FBXL17: variants seen among roughly 807,000 people sequenced by gnomAD.
FBXL17 encodes F-box and leucine rich repeat protein 17.
FBXL17 carries 22 observed loss-of-function variants against 66.2 expected under a neutral mutation model. The observed-to-expected ratio is 0.33, with a 90% CI of 0.24 to 0.47. FBXL17 has a LOEUF of 0.47. FBXL17 is among the 20% of genes least tolerant of loss of function. The probability of loss-of-function intolerance (pLI) is 1.00; values close to 1 mark genes in which losing one functional copy is unlikely to be tolerated. For missense variants in FBXL17, 878 were observed against 948.2 expected (o/e 0.93, Z 0.97); for synonymous variants, 474 against 400.5 (o/e 1.18, Z -2.19).
rs1748053852 is a variant in FBXL17, at chr5:108,357,188, C to A, written c.1374+7550G>T. ...ATTATTAACTAAAAACTGGGAACAG[C>A]TATAATAACTTCAGACAGAGCAGAC... On this transcript the variant is annotated intron_variant, in intron 3 of 8. Coordinates refer to ENST00000542267, the MANE Select transcript of FBXL17 (RefSeq NM_001163315.3). 2.6e-5 allele frequency among the ~76,000 whole-genome samples: 4 copies of A among 151,936 alleles called. No individual in the cohort carries two copies. In the South Asian group the frequency reaches 8.3e-4, roughly 31 times the overall value.
Position 108,124,150 on chromosome 5 carries a change from G to A in FBXL17, c.1745+61967C>T, listed in dbSNP as rs530682106. ...AAAGTTTTGGCCAACTTCACCAAAT[G>A]AGTCCTACAAATTCATCTTAAACAT... is the stretch of plus-strand genomic sequence containing the variant. On this transcript the variant is annotated intron_variant, in intron 6 of 8. Transcript: ENST00000542267. 8.5e-5 allele frequency among the ~76,000 whole-genome samples: 13 copies of A among 152,188 alleles called. No homozygotes were observed. In the East Asian group the frequency reaches 2.1e-3, roughly 25 times the overall value.
chr5:108,071,138 T>G (rs1748314378), intron 6 of FBXL17, among the ~76,000 whole-genome samples: 1 of 152,220 alleles, frequency 6.6e-6, no homozygotes, highest in Non-Finnish European at 1.5e-5. Flanking sequence ...CACTATCAGG[T>G]ACAGGTTGCA....
At chr5:108,148,173 A>G (rs1751632013) in intron 6 of FBXL17, among the ~76,000 whole-genome samples, 1 of 152,304 alleles carries the variant, frequency 6.6e-6, no homozygotes, top group African/African-American at 2.4e-5. Context: ...AAAAGAAGTA[A>G]GTCTGACAAA....
At chr5:108,064,784 A>AT (rs1463357911) in intron 6 of FBXL17, among the ~76,000 whole-genome samples, 1 of 152,140 alleles carries the variant, frequency 6.6e-6, no homozygotes, top group Non-Finnish European at 1.5e-5. Context: ...GGGCTTGGTG[A>AT]TTTTATCTCA....
At chr5:108,205,174 A>C (rs1379016861) in intron 5 of FBXL17, among the ~76,000 whole-genome samples, 1 of 152,046 alleles carries the variant, frequency 6.6e-6, no homozygotes, top group Non-Finnish European at 1.5e-5. Context: ...CAGCATGCCA[A>C]GCATCTGAGA....
chr5:107,988,115 TA>T (rs1490857300), intron 7 of FBXL17, among the ~76,000 whole-genome samples: 5 of 151,980 alleles, frequency 3.3e-5, no homozygotes, highest in African/African-American at 1.2e-4. Flanking sequence ...TTTCTCATTT[TA>T]AAAAATATAA....
At chr5:108,243,518 CAAATG>C (rs1755955471) in intron 4 of FBXL17, among the ~76,000 whole-genome samples, 1 of 152,046 alleles carries the variant, frequency 6.6e-6, no homozygotes, top group Non-Finnish European at 1.5e-5. Flanking sequence ...TTCTGTTTTA[CAAATG>C]AAGAAAGAGA....
chr5:108,264,860 A>G (rs1434371169), intron 4 of FBXL17, among the ~76,000 whole-genome samples: 1 of 151,586 alleles, frequency 6.6e-6, no homozygotes, highest in Admixed American at 6.6e-5. Flanking sequence ...CTTAGTTTAT[A>G]TTTCCTAATG....
chr5:108,365,957 T>C (rs1276412200), intron 2 of FBXL17, among the ~76,000 whole-genome samples: 4 of 152,120 alleles, frequency 2.6e-5, no homozygotes, highest in African/African-American at 9.7e-5. Flanking sequence ...AATAAAACTA[T>C]ACTGAGATTT....
At chr5:107,975,576 A>G (rs1580272363) in intron 7 of FBXL17, among the ~76,000 whole-genome samples, 1 of 152,140 alleles carries the variant, frequency 6.6e-6, no homozygotes, top group East Asian at 1.9e-4. Context: ...GTGTTTTGGC[A>G]CACTCTATTA....
At chr5:107,974,265 G>A (rs1342414915) in intron 7 of FBXL17, among the ~76,000 whole-genome samples, 2 of 152,048 alleles carry the variant, frequency 1.3e-5, no homozygotes, top group East Asian at 3.8e-4. Context: ...AGTCAACAAC[G>A]TACGTACTGA....
At chr5:108,062,335 C>T (rs1747955835) in intron 6 of FBXL17, among the ~76,000 whole-genome samples, 1 of 152,068 alleles carries the variant, frequency 6.6e-6, no homozygotes, top group South Asian at 2.1e-4. Flanking sequence ...AGCATATAGA[C>T]ATCATGCTTC....
At chr5:108,136,608 C>T (rs1479756123) in intron 6 of FBXL17, among the ~76,000 whole-genome samples, 3 of 152,088 alleles carry the variant, frequency 2.0e-5, no homozygotes, top group Non-Finnish European at 4.4e-5. Flanking sequence ...GTGGGACCCT[C>T]CTTACACCAA....
chr5:108,106,954 T>C (rs933814613), intron 6 of FBXL17, among the ~76,000 whole-genome samples: 2 of 152,112 alleles, frequency 1.3e-5, no homozygotes, highest in Non-Finnish European at 2.9e-5. Context: ...TACATCTCAA[T>C]AAAGTTATTT....
chr5:108,017,149 T>A (rs1024026569), intron 7 of FBXL17, among the ~76,000 whole-genome samples: 3 of 152,092 alleles, frequency 2.0e-5, no homozygotes, highest in African/African-American at 7.2e-5. Context: ...TGACAAATTG[T>A]TCCAGGAACA....
intron 4 of FBXL17, among the ~76,000 whole-genome samples, chr5:108,327,100 G>C (rs1759892684): frequency 1.3e-5 from 2 of 152,174 alleles, no homozygotes. Context: ...AAATGGATGA[G>C]CACATTGTTT....
chr5:108,224,560 C>A (rs1439290910), intron 4 of FBXL17, among the ~76,000 whole-genome samples: 1 of 146,348 alleles, frequency 6.8e-6, no homozygotes, highest in Non-Finnish European at 1.5e-5. Context: ...CACACACAAA[C>A]ACACACATAT....
chr5:108,194,977 G>A (rs1207646472), intron 5 of FBXL17, among the ~76,000 whole-genome samples: 1 of 152,108 alleles, frequency 6.6e-6, no homozygotes, highest in Non-Finnish European at 1.5e-5. Flanking sequence ...AAAATAATTT[G>A]TAAAGCTTAG....
chr5:108,084,124 A>C (rs1191829857), intron 6 of FBXL17, among the ~76,000 whole-genome samples: 1 of 152,120 alleles, frequency 6.6e-6, no homozygotes, highest in Non-Finnish European at 1.5e-5. Flanking sequence ...TCCTCTTGGA[A>C]GGTTAAACTT....
Sources: gnomAD v4.1 joint callset for allele counts (sites outside exome capture counted in the v4.1 genomes callset) on GRCh38, gnomAD v4.1.1 for gene constraint, MANE v1.5 for transcripts, NCBI Gene and HGNC (gene_info 2026-07-23, HGNC 2026-07-21) for gene names.